GALNT18: variants seen among roughly 807,000 people sequenced by gnomAD.
GALNT18 encodes polypeptide N-acetylgalactosaminyltransferase 18.
In GALNT18, 44 loss-of-function variants were observed where a neutral mutation model predicts 69.5. The observed-to-expected ratio is 0.63, with a 90% CI of 0.50 to 0.81. The LOEUF (loss-of-function observed/expected upper bound fraction) is 0.81. GALNT18 is among the 40% of genes least tolerant of loss of function. GALNT18 has a pLI of 0.00. For missense variants in GALNT18, 715 were observed against 810.0 expected, an observed-to-expected ratio of 0.88 and a Z score of 1.42; for synonymous variants, 364 against 318.2, an observed-to-expected ratio of 1.14 and a Z score of -1.53.
chr11:11,351,640 C>T (rs1445805100), intron 6 of GALNT18, among the ~76,000 whole-genome samples: 6 of 152,282 alleles, frequency 3.9e-5, no homozygotes, highest in South Asian at 2.1e-4. Context: ...TTGACACCTG[C>T]GCTATCTACT....
At position 11,500,964 on chromosome 11, in the gene GALNT18, C is replaced by G. The variant is rs904517821; in HGVS notation, c.236-52028G>C. 5.9e-5 allele frequency among the ~76,000 whole-genome samples: 9 copies of G among 152,334 alleles called. No homozygotes were observed. The highest frequency in any genetic ancestry group is 2.2e-4 in the African/African-American group (9 of 41,572). On this transcript the variant is annotated intron_variant, in intron 1 of 10. Coordinates refer to ENST00000227756, the MANE Select transcript of GALNT18 (RefSeq NM_198516.3). This position sits in a 1 kb window ranked among gnomAD's most constrained non-coding sequence, Gnocchi z 5.0. ...GCTGACTAGCACAGGGGCCTTGGGG[C>G]AACACCTGTCGCAGACTGGAAACTG...
chr11:11,340,293 C>T lies in GALNT18; in HGVS notation c.1278+526G>A, dbSNP rs1263274500. Among the ~76,000 whole-genome samples the T allele has an allele frequency of 6.6e-6, 1 of 152,222 alleles. No homozygotes were observed. Among genetic ancestry groups the T allele is most frequent in the Non-Finnish European group, 1.5e-5 (1 of 68,036 alleles). On this transcript the variant is annotated intron_variant, in intron 7 of 10. Transcript: ENST00000227756. The surrounding 1 kb of genome is among the most constrained non-coding windows in gnomAD (Gnocchi z 4.2). The stretch of plus-strand genomic sequence containing the variant: ...GATGAGGCTCTGTGAAGGTTAACTC[C>T]ATCTCCTAGTGAAGGTCCCTGTAGG...
chr11:11,561,495 T>C (rs528610319), intron 1 of GALNT18, among the ~76,000 whole-genome samples: 16 of 152,322 alleles, frequency 1.1e-4, no homozygotes, highest in Admixed American at 5.9e-4. Flanking sequence ...ATGGGTATAA[T>C]AATGCCTGCT....
chr11:11,391,585 G>C (rs536827965), intron 3 of GALNT18, among the ~76,000 whole-genome samples: 6 of 152,238 alleles, frequency 3.9e-5, no homozygotes, highest in African/African-American at 1.4e-4. Context: ...ATAAAGGAAG[G>C]CTAATGCTAT....
At chr11:11,284,575 CT>C (rs1188953818) in intron 10 of GALNT18, among the ~76,000 whole-genome samples, 1 of 152,178 alleles carries the variant, frequency 6.6e-6, no homozygotes, top group African/African-American at 2.4e-5. Flanking sequence ...GCTGGTCTTA[CT>C]TTTGCAATCA....
At chr11:11,284,568 G>A (rs185110462) in intron 10 of GALNT18, among the ~76,000 whole-genome samples, 11 of 152,286 alleles carry the variant, frequency 7.2e-5, no homozygotes, top group African/African-American at 2.6e-4. Context: ...AGCTCAGGCT[G>A]GTCTTACTTT....
At chr11:11,376,583 A>G (rs1046671401) in intron 5 of GALNT18, among the ~76,000 whole-genome samples, 1 of 152,114 alleles carries the variant, frequency 6.6e-6, no homozygotes, top group Non-Finnish European at 1.5e-5. Context: ...ACACTCAAAT[A>G]TCATCAAGGT....
chr11:11,546,611 A>G lies in GALNT18; in HGVS notation c.235+74748T>C, dbSNP rs572278504. Among the ~76,000 whole-genome samples, 3 of 152,228 alleles carry G rather than the reference A, an allele frequency of 2.0e-5. No individual in the cohort carries two copies. Among genetic ancestry groups the G allele is most frequent in the Middle Eastern group, 3.4e-3 (1 of 294 alleles). On this transcript the variant is annotated intron_variant, in intron 1 of 10. Transcript: ENST00000227756. The surrounding 1 kb of genome is among the most constrained non-coding windows in gnomAD (Gnocchi z 5.8). ...GACCGTGCCTTCGAAGCCTTTCCCA[A>G]CCCAGATCCAGCCAACCTACCTAGT...
At chr11:11,471,181 G>A (rs558132834) in intron 1 of GALNT18, among the ~76,000 whole-genome samples, 56 of 151,956 alleles carry the variant, frequency 3.7e-4, no homozygotes, top group Non-Finnish European at 5.9e-4. Context: ...CTGTCCATCC[G>A]TCCTTCTGGT....
chr11:11,412,800 A>T (rs1019380814), intron 3 of GALNT18, among the ~76,000 whole-genome samples: 2 of 152,012 alleles, frequency 1.3e-5, no homozygotes, highest in African/African-American at 4.8e-5. Flanking sequence ...CTCCTATCTC[A>T]CCACATTTAA....
At chr11:11,426,853 G>A (rs1198963488) in intron 3 of GALNT18, among the ~76,000 whole-genome samples, 1 of 152,010 alleles carries the variant, frequency 6.6e-6, no homozygotes, top group East Asian at 1.9e-4. Flanking sequence ...GAGGGGAGGG[G>A]GTAGAAAGAA....
At chr11:11,305,493 A>G (rs146837625) in intron 9 of GALNT18, among the ~76,000 whole-genome samples, 5 of 152,296 alleles carry the variant, frequency 3.3e-5, no homozygotes, top group Non-Finnish European at 7.3e-5. Flanking sequence ...ATGAGACTTG[A>G]TCCATTGTGG....
Position 11,271,282 on chromosome 11 carries a change from G to A in GALNT18, c.1686C>T (p.Pro562=), listed in dbSNP as rs113327440. The change falls in exon 11 of 11, where the codon CCC becomes CCT. Residue 562 remains proline (P), a synonymous_variant. Transcript: ENST00000227756. ...KLHWQFSQGG[P]IQNRKSKRCL... ...AGCGCTTAGACTTGCGGTTCTGGAT[G>A]GGTCCTCCCTAGGGGCCAGGGCAGA... 189 of 1,613,818 alleles carry A rather than the reference G, an allele frequency of 1.2e-4. No individual in the cohort carries two copies. The African/African-American group carries it at 2.1e-3, about 18-fold the overall frequency.
At chr11:11,307,143 A>C (rs1296449716) in intron 9 of GALNT18, among the ~76,000 whole-genome samples, 1 of 148,674 alleles carries the variant, frequency 6.7e-6, no homozygotes, top group African/African-American at 2.5e-5. Flanking sequence ...AGGCCAGTCT[A>C]GCCTAGCCCA....
chr11:11,426,734 T>A (rs1855142000), intron 3 of GALNT18, among the ~76,000 whole-genome samples: 1 of 151,316 alleles, frequency 6.6e-6, no homozygotes, highest in South Asian at 2.1e-4. Context: ...CAGGGAGGAG[T>A]GCTGCCCTTT....
intron 6 of GALNT18, among the ~76,000 whole-genome samples, chr11:11,350,042 T>G (rs1317853795): frequency 6.6e-6 from 1 of 152,240 alleles, no homozygotes; most frequent in Non-Finnish European, 1.5e-5. Flanking sequence ...AAGGGATCCC[T>G]CATAACTATC....
chr11:11,572,699 T>C (rs1175026350), intron 1 of GALNT18, among the ~76,000 whole-genome samples: 1 of 152,172 alleles, frequency 6.6e-6, no homozygotes, highest in Admixed American at 6.5e-5. Flanking sequence ...CCCGGTGCCC[T>C]TCTGAGGAAG....
intron 1 of GALNT18, among the ~76,000 whole-genome samples, chr11:11,449,715 T>C (rs1330280124): frequency 1.3e-5 from 2 of 152,150 alleles, no homozygotes; most frequent in African/African-American, 4.8e-5. Flanking sequence ...AGTCGTGGAT[T>C]CCAGTCAGTG....
intron 1 of GALNT18, among the ~76,000 whole-genome samples, chr11:11,522,990 T>C (rs1400089236): frequency 3.3e-5 from 5 of 152,348 alleles, no homozygotes; most frequent in Admixed American, 2.0e-4. Flanking sequence ...AGTAAGAGAC[T>C]GAGCGCAGTG....
Sources: allele counts gnomAD v4.1 joint callset (sites outside exome capture counted in the v4.1 genomes callset), GRCh38; gene constraint gnomAD v4.1.1; non-coding constraint Gnocchi (gnomAD v3.1); transcripts MANE v1.5; gene names NCBI Gene and HGNC (gene_info 2026-07-23, HGNC 2026-07-21).